FAM178B: variants seen among roughly 807,000 people sequenced by gnomAD.
FAM178B encodes family with sequence similarity 178 member B, also known as protein FAM178B.
FAM178B carries 82 observed loss-of-function variants against 91.7 expected under a neutral mutation model. That is an observed-to-expected ratio of 0.89 (90% confidence interval 0.75 to 1.07). The LOEUF (loss-of-function observed/expected upper bound fraction) is 1.07. Among genes scored for constraint, FAM178B ranks in the 50% least tolerant of loss-of-function variants. The probability of loss-of-function intolerance (pLI) is 0.00; values close to 1 mark genes in which losing one functional copy is unlikely to be tolerated. For missense variants in FAM178B, 769 were observed against 846.7 expected (o/e 0.91, Z 1.14); for synonymous variants, 368 against 359.4 (o/e 1.02, Z -0.27).
chr2:96,923,156 A>G (rs931091811), intron 10 of FAM178B, among the ~76,000 whole-genome samples: 2 of 151,124 alleles, frequency 1.3e-5, no homozygotes, highest in Non-Finnish European at 2.9e-5. Flanking sequence ...TATTTTTAGT[A>G]CAGATGGGGT....
chr2:96,966,306 C>T (rs1277271396), intron 5 of FAM178B, among the ~76,000 whole-genome samples: 2 of 151,988 alleles, frequency 1.3e-5, no homozygotes, highest in Non-Finnish European at 2.9e-5. Flanking sequence ...GCCCACATCC[C>T]TTCATCATCA....
intron 12 of FAM178B, among the ~76,000 whole-genome samples, chr2:96,914,581 A>C (rs1318978177): frequency 2.0e-5 from 3 of 152,274 alleles, no homozygotes; most frequent in Middle Eastern, 3.4e-3. Flanking sequence ...ATAATGTTGT[A>C]ATTATGTTTT....
chr2:96,907,891 T>C (rs1423578678), intron 12 of FAM178B, among the ~76,000 whole-genome samples: 1 of 152,234 alleles, frequency 6.6e-6, no homozygotes, highest in Non-Finnish European at 1.5e-5. Context: ...GTCAGGCACC[T>C]GGCCAAAGGC....
chr2:96,956,146 C>T (rs1286998998), intron 6 of FAM178B, among the ~76,000 whole-genome samples: 1 of 152,238 alleles, frequency 6.6e-6, no homozygotes, highest in Non-Finnish European at 1.5e-5. Flanking sequence ...CCAACTTCCG[C>T]CCCCGAGTGG....
chr2:96,972,532 G>A lies in FAM178B; in HGVS notation c.142+6C>T, dbSNP rs555567427. 12 of 1,551,550 alleles carry A rather than the reference G, an allele frequency of 7.7e-6. 1 individual carries two copies. Among genetic ancestry groups the A allele is most frequent in the East Asian group, 7.3e-5 (3 of 40,918 alleles). On this transcript the variant is annotated splice_donor_region_variant and intron_variant, in intron 2 of 16. Coordinates refer to ENST00000490605, the MANE Select transcript of FAM178B (RefSeq NM_001122646.3). The stretch of plus-strand genomic sequence containing the variant: ...GGATTTACCTGTGCAGGTGAGAGAC[G>A]CCTACCTTCTCTCAGAGGAAGGGCT...
chr2:96,967,946 G>A (rs1272545889), intron 4 of FAM178B, among the ~76,000 whole-genome samples: 1 of 29,336 alleles, frequency 3.4e-5, no homozygotes, highest in Non-Finnish European at 1.7e-4. Context: ...TTTGATACCA[G>A]ACATCACTGT....
intron 8 of FAM178B, among the ~76,000 whole-genome samples, chr2:96,946,644 T>C (rs2081833647): frequency 6.6e-6 from 1 of 152,256 alleles, no homozygotes; most frequent in Admixed American, 6.5e-5. Flanking sequence ...AGAGACAACG[T>C]GGCAAGAAGC....
intron 5 of FAM178B, among the ~76,000 whole-genome samples, chr2:96,964,056 T>C (rs1278845755): frequency 6.6e-6 from 1 of 152,062 alleles, no homozygotes; most frequent in African/African-American, 2.4e-5. Context: ...GGCCCACACC[T>C]GTAGTCCCAG....
At chr2:96,949,890 G>A in intron 7 of FAM178B, 1 of 763,550 alleles carries the variant, frequency 1.3e-6, no homozygotes, top group Non-Finnish European at 1.6e-6. Context: ...CATCAGGCCT[G>A]GCTCCGAGGC....
At chr2:96,896,063 G>C (rs2080817202) in intron 13 of FAM178B, among the ~76,000 whole-genome samples, 1 of 152,234 alleles carries the variant, frequency 6.6e-6, no homozygotes, top group Non-Finnish European at 1.5e-5. Context: ...CACAAGTCAA[G>C]ATAGTTTCCA....
At chr2:96,914,275 CCT>C (rs775476500) in intron 12 of FAM178B, among the ~76,000 whole-genome samples, 5 of 152,190 alleles carry the variant, frequency 3.3e-5, no homozygotes, top group Non-Finnish European at 2.9e-5. Flanking sequence ...TCAGGTGAAA[CCT>C]CTCTGAGGCA....
chr2:96,898,802 T>C (rs2080870856), intron 13 of FAM178B, among the ~76,000 whole-genome samples: 1 of 152,056 alleles, frequency 6.6e-6, no homozygotes, highest in African/African-American at 2.4e-5. Flanking sequence ...AGCTGTGCTG[T>C]TGTACATGGG....
rs762655112 is a variant in FAM178B, at chr2:96,893,948, G to A, written c.1754C>T (p.Ala585Val). ...CACCTTGTGGTCTAGCTCGGCACTA[G>A]CCTTTGGCTGTTGCTCCTGGCAGGG... ...LPPCQEQQPK[A>V]SAELDHKACY... The change falls in exon 14 of 17, where the codon GCT becomes GTT. Residue 585 changes from alanine (A) to valine (V), a missense_variant. Ala to Val is a moderately conservative substitution (Grantham distance 64, BLOSUM62 0). Coordinates refer to ENST00000490605, the MANE Select transcript of FAM178B (RefSeq NM_001122646.3). 1.9e-6 allele frequency: 3 copies of A among 1,612,862 alleles called. No individual in the cohort carries two copies. The highest frequency in any genetic ancestry group is 3.3e-5 in the Admixed American group (2 of 59,990).
intron 13 of FAM178B, 84 bp from the exon 14 acceptor site, chr2:96,894,135 C>A: frequency 6.7e-7 from 1 of 1,490,644 alleles, no homozygotes; most frequent in Non-Finnish European, 9.0e-7. Context: ...CTGGACACCT[C>A]AGCTGGTGGC....
At chr2:96,919,847 C>G (rs2081303193) in intron 12 of FAM178B, among the ~76,000 whole-genome samples, 1 of 152,172 alleles carries the variant, frequency 6.6e-6, no homozygotes, top group Non-Finnish European at 1.5e-5. Context: ...CCAGGAAAGA[C>G]AGAAAGAGAT....
chr2:96,889,406 C>G (rs188456832), intron 14 of FAM178B, among the ~76,000 whole-genome samples: 1 of 152,132 alleles, frequency 6.6e-6, no homozygotes, highest in Non-Finnish European at 1.5e-5. Flanking sequence ...AGGCCCGGTG[C>G]GGTGGCTCAT....
chr2:96,976,761 T>C (rs375020180), intron 1 of FAM178B, among the ~76,000 whole-genome samples: 2 of 151,904 alleles, frequency 1.3e-5, no homozygotes, highest in Non-Finnish European at 2.9e-5. Context: ...GGCAGGAGAA[T>C]TGCTTGAACC....
chr2:96,877,193 C>A (rs1308388719), intron 16 of FAM178B, among the ~76,000 whole-genome samples: 3 of 152,130 alleles, frequency 2.0e-5, no homozygotes, highest in Non-Finnish European at 4.4e-5. Context: ...AGGACCAGGG[C>A]AGCCTGGGAG....
intron 12 of FAM178B, among the ~76,000 whole-genome samples, chr2:96,918,452 GGAT>G (rs2081278737): frequency 6.6e-6 from 1 of 152,140 alleles, no homozygotes; most frequent in Admixed American, 6.5e-5. Context: ...TAGAACCACA[GGAT>G]GATGTTTTCC....
Sources: allele counts gnomAD v4.1 joint callset (sites outside exome capture counted in the v4.1 genomes callset), GRCh38; gene constraint gnomAD v4.1.1; transcripts MANE v1.5; gene names NCBI Gene and HGNC (gene_info 2026-07-23, HGNC 2026-07-21).